Variants in WDTC1 observed in about 807,000 individuals in gnomAD.
WDTC1 encodes WD and tetratricopeptide repeats protein 1.
In WDTC1, 12 loss-of-function variants were observed where a neutral mutation model predicts 76.0. That is an observed-to-expected ratio of 0.16 (90% CI 0.10 to 0.26). WDTC1 has a LOEUF of 0.26. WDTC1 is among the 10% of genes least tolerant of loss of function. WDTC1 has a pLI of 1.00. For missense variants in WDTC1, 511 were observed against 908.8 expected, an observed-to-expected ratio of 0.56 and a Z score of 5.63; for synonymous variants, 326 against 350.8, an observed-to-expected ratio of 0.93 and a Z score of 0.79.
chr1:27,300,157 G>A (rs867342552), intron 12 of WDTC1, among the ~76,000 whole-genome samples: 17 of 152,326 alleles, frequency 1.1e-4, no homozygotes, highest in South Asian at 2.1e-4. Context: ...AGGACTGGGT[G>A]CTCCCTCTGA....
chr1:27,300,379 C>T (rs1018785681), intron 12 of WDTC1, among the ~76,000 whole-genome samples: 2 of 152,082 alleles, frequency 1.3e-5, no homozygotes, highest in African/African-American at 4.8e-5. Context: ...GCCTGTCTGG[C>T]TCTCCAGACA....
At chr1:27,254,323 G>A (rs894917327) in intron 1 of WDTC1, among the ~76,000 whole-genome samples, 3 of 152,084 alleles carry the variant, frequency 2.0e-5, no homozygotes, top group African/African-American at 7.2e-5. Flanking sequence ...CAGGCCAGGC[G>A]TGGTGGCTCA....
At chr1:27,282,928 A>G (rs1476148961) in intron 4 of WDTC1, among the ~76,000 whole-genome samples, 2 of 151,874 alleles carry the variant, frequency 1.3e-5, no homozygotes, top group Non-Finnish European at 2.9e-5. Context: ...TCACGAGGTC[A>G]GGAGATTGAG....
Position 27,301,481 on chromosome 1 carries a change from G to A in WDTC1, c.1468+20G>A. ...ATGGTGGTGAGTGGGCACTGAGGAG[G>A]GGGTGCTGTTACTCTTTCTCTTTGA... On this transcript the variant is annotated intron_variant, in intron 13 of 15. Coordinates refer to ENST00000319394, the MANE Select transcript of WDTC1 (RefSeq NM_001276252.2). The surrounding 1 kb of genome is among the most constrained non-coding windows in gnomAD (Gnocchi z 5.8). The A allele has an allele frequency of 6.2e-7, 1 of 1,607,220 alleles. No individual in the cohort carries two copies. The highest frequency in any genetic ancestry group is 8.5e-7 in the Non-Finnish European group (1 of 1,178,476).
intron 3 of WDTC1, among the ~76,000 whole-genome samples, chr1:27,279,883 A>G (rs1463289735): frequency 6.6e-6 from 1 of 151,072 alleles, no homozygotes; most frequent in Non-Finnish European, 1.5e-5. Flanking sequence ...TAAGTCTTGA[A>G]CTCTCTTGGT....
At chr1:27,239,701 G>C (rs1013465766) in intron 1 of WDTC1, among the ~76,000 whole-genome samples, 2 of 148,786 alleles carry the variant, frequency 1.3e-5, no homozygotes, top group African/African-American at 4.9e-5. Flanking sequence ...TGTAATCCCA[G>C]CTACTTGGGA....
intron 1 of WDTC1, among the ~76,000 whole-genome samples, chr1:27,239,848 A>G (rs2011579000): frequency 6.6e-6 from 1 of 150,860 alleles, no homozygotes; most frequent in African/African-American, 2.4e-5. Flanking sequence ...CAAAAAAACT[A>G]ACATGTATTG....
intron 3 of WDTC1, among the ~76,000 whole-genome samples, chr1:27,278,594 G>T (rs1426395211): frequency 6.6e-6 from 1 of 152,152 alleles, no homozygotes; most frequent in East Asian, 1.9e-4. Context: ...AGCCCATCTT[G>T]CTCATCTTAC....
At chr1:27,258,396 G>C (rs1249082641) in intron 1 of WDTC1, among the ~76,000 whole-genome samples, 4 of 151,908 alleles carry the variant, frequency 2.6e-5, no homozygotes, top group Non-Finnish European at 1.5e-5. Context: ...AGCTGGCGTG[G>C]TGGCAGGTGC....
intron 3 of WDTC1, among the ~76,000 whole-genome samples, chr1:27,277,292 T>C (rs989840937): frequency 6.6e-6 from 1 of 152,214 alleles, no homozygotes; most frequent in African/African-American, 2.4e-5. Context: ...TGTGTTTTCT[T>C]CTAAGAGTTT....
chr1:27,293,766 C>T (rs890074443), intron 7 of WDTC1, among the ~76,000 whole-genome samples: 5 of 152,070 alleles, frequency 3.3e-5, no homozygotes, highest in Non-Finnish European at 7.3e-5. Flanking sequence ...TGAACCTTAG[C>T]TTGCTTGTTT....
intron 5 of WDTC1, among the ~76,000 whole-genome samples, chr1:27,284,038 G>T (rs2013263852): frequency 6.6e-6 from 1 of 152,134 alleles, no homozygotes; most frequent in Admixed American, 6.6e-5. Flanking sequence ...GTGAGAAGGG[G>T]ACTTACAAGT....
At chr1:27,256,258 C>T (rs1461000454) in intron 1 of WDTC1, among the ~76,000 whole-genome samples, 1 of 152,154 alleles carries the variant, frequency 6.6e-6, no homozygotes, top group Non-Finnish European at 1.5e-5. Context: ...ACTGTGGCCA[C>T]CCCTTGCTAC....
In WDTC1 at chr1:27,301,472, A is replaced by T; in HGVS notation, c.1468+11A>T. On this transcript the variant is annotated intron_variant, in intron 13 of 15. Transcript: ENST00000319394. The surrounding 1 kb of genome is among the most constrained non-coding windows in gnomAD (Gnocchi z 5.8). Reference sequence around the variant, plus strand: ...CTAAAAATGATGGTGGTGAGTGGGCACTGAGGAGGGGGTGCTGTTACTCTT... The same window carrying T: ...CTAAAAATGATGGTGGTGAGTGGGCTCTGAGGAGGGGGTGCTGTTACTCTT... The T allele has an allele frequency of 6.2e-7, 1 of 1,609,964 alleles. No homozygotes were observed. Among genetic ancestry groups the T allele is most frequent in the Non-Finnish European group, 8.5e-7 (1 of 1,179,326 alleles).
chr1:27,302,167 G>A (rs775031521), intron 13 of WDTC1, among the ~76,000 whole-genome samples: 2 of 152,198 alleles, frequency 1.3e-5, no homozygotes, highest in African/African-American at 2.4e-5. Flanking sequence ...TTAATGAATA[G>A]TTATCAGACA....
At chr1:27,235,354 G>C (rs2011472065) in intron 1 of WDTC1, among the ~76,000 whole-genome samples, 1 of 151,776 alleles carries the variant, frequency 6.6e-6, no homozygotes, top group Non-Finnish European at 1.5e-5. Context: ...TGCCCTCTTA[G>C]CTTCTCGCTC....
At chr1:27,243,535 A>G (rs1389367895) in intron 1 of WDTC1, among the ~76,000 whole-genome samples, 3 of 152,224 alleles carry the variant, frequency 2.0e-5, no homozygotes, top group South Asian at 4.1e-4. Context: ...TTAGTGGCCA[A>G]TGGCCTGGCC....
rs1440554803 is a variant in WDTC1, at chr1:27,305,690, T to C, written c.1837-496T>C. Among the ~76,000 whole-genome samples, 2 of 152,122 alleles carry C rather than the reference T, an allele frequency of 1.3e-5. No homozygotes were observed. The highest frequency in any genetic ancestry group is 3.9e-4 in the East Asian group (2 of 5,182). On this transcript the variant is annotated intron_variant, in intron 15 of 15. Coordinates refer to ENST00000319394, the MANE Select transcript of WDTC1 (RefSeq NM_001276252.2). This position sits in a 1 kb window ranked among gnomAD's most constrained non-coding sequence, Gnocchi z 4.6. The stretch of plus-strand genomic sequence containing the variant: ...CTCCCCTTCCCCTCTGCCCTACTGC[T>C]TCCCTCTTCCCAGCTGGCAAAACAA...
intron 9 of WDTC1, among the ~76,000 whole-genome samples, chr1:27,295,957 G>T (rs2013672024): frequency 6.6e-6 from 1 of 152,060 alleles, no homozygotes; most frequent in South Asian, 2.1e-4. Flanking sequence ...GTAAAGACGG[G>T]GTTTTGCCAT....
Sources: gnomAD v4.1 joint callset for allele counts (sites outside exome capture counted in the v4.1 genomes callset) on GRCh38, gnomAD v4.1.1 for gene constraint, Gnocchi (gnomAD v3.1) non-coding constraint, MANE v1.5 for transcripts, NCBI Gene and HGNC (gene_info 2026-07-23, HGNC 2026-07-21) for gene names.